Variants in SLC5A4 observed in about 807,000 individuals in gnomAD.
SLC5A4 encodes the protein probable glucose sensor protein SLC5A4.
SLC5A4 carries 55 observed loss-of-function variants against 70.3 expected under a neutral mutation model. That is an observed-to-expected ratio of 0.78 (90% confidence interval 0.63 to 0.98). The LOEUF is 0.98. Among genes scored for constraint, SLC5A4 ranks in the 50% least tolerant of loss-of-function variants. The pLI is 0.00. For missense variants in SLC5A4, 735 were observed against 839.2 expected (o/e 0.88, Z 1.53); for synonymous variants, 268 against 305.7 (o/e 0.88, Z 1.29).
chr22:32,326,705 A>G, the SLC5A4 span, among the ~76,000 whole-genome samples: 1 of 152,184 alleles, frequency 6.6e-6, no homozygotes, highest in African/African-American at 2.4e-5. Context: ...CGCTACCTCA[A>G]TACGGAGAAA....
At chr22:32,282,441 T>G in the SLC5A4 span, among the ~76,000 whole-genome samples, 9 of 152,250 alleles carry the variant, frequency 5.9e-5, no homozygotes, top group East Asian at 1.7e-3. Context: ...TGGTAGTTCC[T>G]CCTCACTCCC....
chr22:32,254,543 G>A (rs376208178), intron 1 of SLC5A4, among the ~76,000 whole-genome samples: 3 of 152,210 alleles, frequency 2.0e-5, no homozygotes, highest in African/African-American at 4.8e-5. Flanking sequence ...GGTGGCTCAC[G>A]CCTGTAATTC....
chr22:32,352,954 C>G, the SLC5A4 span, among the ~76,000 whole-genome samples: 1 of 152,218 alleles, frequency 6.6e-6, no homozygotes, highest in Non-Finnish European at 1.5e-5. Flanking sequence ...CAAGCTCCAG[C>G]CTCCAGCAGG....
the SLC5A4 span, among the ~76,000 whole-genome samples, chr22:32,293,857 C>A: frequency 6.6e-6 from 1 of 152,098 alleles, no homozygotes; most frequent in African/African-American, 2.4e-5. Context: ...ATTTTACCTT[C>A]ACTCTTGAAA....
the SLC5A4 span, among the ~76,000 whole-genome samples, chr22:32,323,361 C>G: frequency 9.9e-5 from 15 of 152,220 alleles, no homozygotes; most frequent in African/African-American, 3.6e-4. Context: ...TCCCCCTTAA[C>G]CAAGCTCTGG....
chr22:32,306,990 G>C, the SLC5A4 span, among the ~76,000 whole-genome samples: 1 of 152,214 alleles, frequency 6.6e-6, no homozygotes, highest in African/African-American at 2.4e-5. Flanking sequence ...TCTGTGCTCA[G>C]GGATGGCGCT....
chr22:32,333,990 AG>A, the SLC5A4 span, among the ~76,000 whole-genome samples: 7 of 117,612 alleles, frequency 6.0e-5, no homozygotes, highest in Admixed American at 4.9e-4. Flanking sequence ...CATGCAACAC[AG>A]ACACACTACA....
intron 5 of SLC5A4, among the ~76,000 whole-genome samples, chr22:32,240,323 C>G (rs977762454): frequency 6.6e-6 from 1 of 152,106 alleles, no homozygotes; most frequent in African/African-American, 2.4e-5. Context: ...TTAAAAATCT[C>G]TCTAAGGCAA....
chr22:32,331,755 G>T, the SLC5A4 span, among the ~76,000 whole-genome samples: 29 of 152,206 alleles, frequency 1.9e-4, no homozygotes, highest in African/African-American at 7.0e-4. Flanking sequence ...GGCAGGACAC[G>T]CAGCCCACAT....
chr22:32,230,870 T>C lies in SLC5A4; in HGVS notation c.1129+98A>G, dbSNP rs150906534. On this transcript the variant is annotated intron_variant, in intron 10 of 14. Transcript: ENST00000266086. ...CTCAAGAAATGTCTGATGAGTTGGA[T>C]TGAATTAATGGAAGGTGCAAGAATT... is the stretch of plus-strand genomic sequence containing the variant. 517 of 727,878 alleles carry C rather than the reference T, an allele frequency of 7.1e-4. 3 individuals are homozygous for C. The highest frequency in any genetic ancestry group is 3.0e-3 in the African/African-American group (175 of 57,644). 45.1% of individuals were successfully genotyped at this position (727,878 alleles called of 1,614,324 possible). A position where few individuals can be genotyped will look rare whatever the true frequency, so the allele number is the denominator to read the frequency against.
chr22:32,286,845 T>C, the SLC5A4 span, among the ~76,000 whole-genome samples: 1 of 152,138 alleles, frequency 6.6e-6, no homozygotes, highest in Non-Finnish European at 1.5e-5. Flanking sequence ...TTCCAGAAAG[T>C]TAGGGCTTAG....
At chr22:32,280,001 G>A in the SLC5A4 span, among the ~76,000 whole-genome samples, 1 of 152,266 alleles carries the variant, frequency 6.6e-6, no homozygotes, top group Admixed American at 6.5e-5. Flanking sequence ...CCTTACTCCA[G>A]TTTTTTGTTG....
intron 5 of SLC5A4, among the ~76,000 whole-genome samples, chr22:32,242,220 TC>T (rs1478184965): frequency 6.6e-6 from 1 of 152,008 alleles, no homozygotes; most frequent in Non-Finnish European, 1.5e-5. Context: ...CTAATACCCC[TC>T]CCCACTAAAG....
chr22:32,272,708 G>T, the SLC5A4 span: 1 of 521,006 alleles, frequency 1.9e-6, no homozygotes, highest in Non-Finnish European at 3.6e-6. Flanking sequence ...ACTTCCATGT[G>T]GGTGCCCACA....
the SLC5A4 span, among the ~76,000 whole-genome samples, chr22:32,303,978 G>A: frequency 6.6e-6 from 1 of 152,140 alleles, no homozygotes; most frequent in Non-Finnish European, 1.5e-5. Context: ...CTGGTGTTCT[G>A]GATTTTGGCC....
chr22:32,252,177 C>T (rs1927205476), intron 2 of SLC5A4, among the ~76,000 whole-genome samples: 1 of 148,348 alleles, frequency 6.7e-6, no homozygotes, highest in Non-Finnish European at 1.5e-5. Flanking sequence ...CTGCAGTGAG[C>T]GGAGATCGCG....
the SLC5A4 span, among the ~76,000 whole-genome samples, chr22:32,279,432 C>A: frequency 6.6e-6 from 1 of 152,174 alleles, no homozygotes; most frequent in African/African-American, 2.4e-5. Flanking sequence ...AGTAGTGGCA[C>A]AACCAAGGAA....
At chr22:32,262,809 G>A in the SLC5A4 span, among the ~76,000 whole-genome samples, 1 of 151,712 alleles carries the variant, frequency 6.6e-6, no homozygotes, top group Non-Finnish European at 1.5e-5. Context: ...TCACTCTGTT[G>A]CCCAGGCTGG....
the SLC5A4 span, among the ~76,000 whole-genome samples, chr22:32,316,528 C>T: frequency 2.1e-4 from 32 of 150,256 alleles, no homozygotes; most frequent in Middle Eastern, 3.2e-3. Context: ...AGCATTAGTG[C>T]TTTTTTTTTA....
Sources: allele counts gnomAD v4.1 joint callset (sites outside exome capture counted in the v4.1 genomes callset), GRCh38; gene constraint gnomAD v4.1.1; transcripts MANE v1.5; gene names NCBI Gene and HGNC (gene_info 2026-07-23, HGNC 2026-07-21).